The following CPVL variants were observed in gnomAD, a reference collection of about 807,000 sequenced individuals.
The protein encoded by CPVL is carboxypeptidase vitellogenic like.
CPVL carries 51 observed loss-of-function variants against 63.7 expected under a neutral mutation model. The observed-to-expected ratio is 0.80, with a 90% confidence interval of 0.64 to 1.01. The LOEUF is 1.01. Ranked by LOEUF, CPVL falls within the 50% of genes least tolerant of loss-of-function variation. CPVL has a pLI of 0.00. For missense variants in CPVL, 530 were observed against 573.1 expected (o/e 0.92, Z 0.77); for synonymous variants, 195 against 206.0 (o/e 0.95, Z 0.46).
intron 1 of CPVL, chr7:29,126,660 T>C (rs1280973367): frequency 6.6e-6 from 1 of 152,192 alleles, no homozygotes; most frequent in Non-Finnish European, 1.5e-5. Context: ...TCCCCTTCAC[T>C]CGTTTCCACT....
At chr7:29,113,199 C>T (rs1788428705) in intron 2 of CPVL, among the ~76,000 whole-genome samples, 1 of 151,966 alleles carries the variant, frequency 6.6e-6, no homozygotes, top group Non-Finnish European at 1.5e-5. Flanking sequence ...GTAACCTGAC[C>T]TGAAACAGTG....
At chr7:29,065,741 T>C (rs1783068895) in intron 10 of CPVL, among the ~76,000 whole-genome samples, 1 of 152,144 alleles carries the variant, frequency 6.6e-6, no homozygotes, top group Admixed American at 6.6e-5. Context: ...GCCTGTGTCC[T>C]TCACAAAAGT....
At chr7:29,146,907 G>C (rs1170820165), upstream of CPVL, 1 of 1,551,086 alleles carries the variant, frequency 6.4e-7, no homozygotes, top group African/African-American at 1.4e-5. Context: ...GATTCCCACT[G>C]TTTAAAAAGG....
intron 1 of CPVL, chr7:29,193,526 T>C (rs1562819412): frequency 6.6e-6 from 1 of 152,246 alleles, no homozygotes; most frequent in Non-Finnish European, 1.5e-5. Flanking sequence ...GCTTTTTCCT[T>C]TGATCTAACA....
At chr7:29,162,065 A>G (rs1295542817) in intron 5 of CPVL, among the ~76,000 whole-genome samples, 1 of 152,230 alleles carries the variant, frequency 6.6e-6, no homozygotes, top group Non-Finnish European at 1.5e-5. Flanking sequence ...TCTCTCAGAC[A>G]TCGCTGGTGG....
intron 11 of CPVL, among the ~76,000 whole-genome samples, chr7:29,058,246 T>C (rs1790937672): frequency 6.6e-6 from 1 of 152,170 alleles, no homozygotes; most frequent in Non-Finnish European, 1.5e-5. Flanking sequence ...TATTTTGTTG[T>C]ATTTATATCT....
In CPVL at chr7:29,177,062, AAT is replaced by A. The variant is rs527252018; in HGVS notation, c.-11+4226_-11+4227del. ...ATATAGATGGAAGAGGCAAATATAA[AAT>A]AGTTATCTCCTTAAGATAAAATATT... is the stretch of plus-strand genomic sequence containing the variant. On this transcript the variant is annotated intron_variant, in intron 5 of 16. Transcript: ENST00000409850. Among the ~76,000 whole-genome samples the A allele has an allele frequency of 1.2e-3, 187 of 152,310 alleles. 1 individual carries two copies. In the Middle Eastern group the frequency reaches 0.014, roughly 11 times the overall value.
In CPVL at chr7:29,071,842, CT is replaced by C. The variant is rs1562753933; in HGVS notation, c.794del (p.Lys265SerfsTer11). On this transcript the variant is annotated frameshift_variant, in exon 9 of 13. Transcript: ENST00000265394. LOFTEE classifies it high-confidence loss of function. The part of the protein sequence containing the change: ...QIGLLDEKQK[K>X]YFQKQCHECI... ...ATTCATGGCACTGCTTCTGGAAGTA[CT>C]TTTTTTGCTTCTCATCCAACAAGCC... The C allele has an allele frequency of 6.2e-7, 1 of 1,613,852 alleles. No individual in the cohort carries two copies. The highest frequency in any genetic ancestry group is 1.1e-5 in the South Asian group (1 of 91,048).
intron 2 of CPVL, among the ~76,000 whole-genome samples, chr7:29,120,395 C>G (rs1415546668): frequency 6.6e-6 from 1 of 151,968 alleles, no homozygotes; most frequent in Non-Finnish European, 1.5e-5. Flanking sequence ...GCACTCCAGC[C>G]TGGGCAACAG....
intron 9 of CPVL, 70 bp downstream of exon 9, chr7:29,071,703 C>T (rs1783752695): frequency 1.5e-6 from 2 of 1,331,916 alleles, no homozygotes; most frequent in Non-Finnish European, 2.1e-6. Context: ...CAAGGTGTTC[C>T]TGCTCACCCG....
Position 29,095,125 on chromosome 7 carries a change from G to C in CPVL, c.421C>G (p.Pro141Ala), listed in dbSNP as rs764841453. The C allele has an allele frequency of 1.2e-6, 2 of 1,613,768 alleles. No individual in the cohort carries two copies. Among genetic ancestry groups the C allele is most frequent in the African/African-American group, 2.7e-5 (2 of 74,870 alleles). ...AGCATGGAGAGCGTTGTGGTCCAGG[G>C]GAAGTCTCTGTCACGCACTGTGAAA... The part of the protein sequence containing the change: ...SNMTLRDRDF[P>A]WTTTLSMLYI... Residue 141 changes from proline to alanine, a missense_variant, in exon 5 of 13, where the codon CCC becomes GCC. By Grantham distance (27) the Pro-to-Ala change is conservative. Transcript: ENST00000265394.
At chr7:29,129,190 G>C (rs1790411572) in intron 1 of CPVL, among the ~76,000 whole-genome samples, 1 of 152,188 alleles carries the variant, frequency 6.6e-6, no homozygotes. Context: ...ACAAAGGCTG[G>C]GGTCAAGGAG....
intron 1 of CPVL, among the ~76,000 whole-genome samples, chr7:29,132,346 C>T (rs1177989515): frequency 6.6e-6 from 1 of 152,150 alleles, no homozygotes; most frequent in Non-Finnish European, 1.5e-5. Flanking sequence ...TATTTTAGGG[C>T]ACTGCTTCTT....
At chr7:29,186,189 G>A (rs531808968) in intron 2 of CPVL, among the ~76,000 whole-genome samples, 2 of 152,186 alleles carry the variant, frequency 1.3e-5, no homozygotes, top group African/African-American at 4.8e-5. Flanking sequence ...GGGCCCTTGG[G>A]GTCAGGAGTA....
intron 2 of CPVL, among the ~76,000 whole-genome samples, chr7:29,117,902 T>A (rs981865857): frequency 1.3e-5 from 2 of 152,236 alleles, no homozygotes; most frequent in East Asian, 3.8e-4. Flanking sequence ...TGTTAGCTAC[T>A]TATTATTTTT....
chr7:29,129,476 C>CTTTTT (rs386409807), intron 1 of CPVL, among the ~76,000 whole-genome samples: 1 of 146,484 alleles, frequency 6.8e-6, no homozygotes. Context: ...TTTGCCATTA[C>CTTTTT]TTTTTTTTTT....
At chr7:28,999,978 T>C (rs1040033882) in intron 12 of CPVL, among the ~76,000 whole-genome samples, 2 of 152,108 alleles carry the variant, frequency 1.3e-5, no homozygotes, top group African/African-American at 4.8e-5. Flanking sequence ...TAACAAAATG[T>C]GTCAGGGCTG....
chr7:29,061,357 G>A (rs1791260262), intron 11 of CPVL, among the ~76,000 whole-genome samples: 1 of 152,152 alleles, frequency 6.6e-6, no homozygotes, highest in Non-Finnish European at 1.5e-5. Flanking sequence ...AGGTTGCAGT[G>A]AGCCGAGATC....
chr7:29,019,593 T>A (rs1786753258), intron 12 of CPVL, among the ~76,000 whole-genome samples: 1 of 152,244 alleles, frequency 6.6e-6, no homozygotes, highest in South Asian at 2.1e-4. Flanking sequence ...AGCTGTAGTG[T>A]TTGGCAGAGA....
Sources: gnomAD v4.1 joint callset for allele counts (sites outside exome capture counted in the v4.1 genomes callset) on GRCh38, gnomAD v4.1.1 for gene constraint, MANE v1.5 for transcripts, NCBI Gene and HGNC (gene_info 2026-07-23, HGNC 2026-07-21) for gene names.